Variants in DYRK1A observed in about 807,000 individuals in gnomAD.
DYRK1A encodes dual specificity tyrosine phosphorylation regulated kinase 1A, also known as dual specificity tyrosine-phosphorylation-regulated kinase 1A.
Under a neutral mutation model 79.7 loss-of-function variants are expected in DYRK1A, and 9 were observed. The observed-to-expected ratio is 0.11, with a 90% confidence interval of 0.07 to 0.20. The LOEUF (loss-of-function observed/expected upper bound fraction) is 0.20. Ranked by LOEUF, DYRK1A falls within the 10% of genes least tolerant of loss-of-function variation. The probability of loss-of-function intolerance (pLI) is 1.00; values close to 1 mark genes in which losing one functional copy is unlikely to be tolerated. For missense variants in DYRK1A, 622 were observed against 956.0 expected (o/e 0.65, Z 4.61); for synonymous variants, 349 against 329.7 (o/e 1.06, Z -0.63).
At chr21:37,396,112 C>T (rs1345913485) in intron 1 of DYRK1A, among the ~76,000 whole-genome samples, 1 of 152,118 alleles carries the variant, frequency 6.6e-6, no homozygotes, top group Non-Finnish European at 1.5e-5. Flanking sequence ...CCACAGGTCC[C>T]TGTGCCCTTG....
At chr21:37,417,525 T>TTTTCTTTTTCTTTTTCTTTTTCTTTTTC (rs1569304457) in intron 1 of DYRK1A, among the ~76,000 whole-genome samples, 1 of 67,084 alleles carries the variant, frequency 1.5e-5, no homozygotes, top group Non-Finnish European at 2.9e-5. Context: ...TTCTTTTTCT[T>TTTTCTTTTTCTTTTTCTTTTTCTTTTTC]TTTCTTTTTT....
At chr21:37,386,714 G>T (rs2049768197) in intron 1 of DYRK1A, among the ~76,000 whole-genome samples, 1 of 152,162 alleles carries the variant, frequency 6.6e-6, no homozygotes, top group African/African-American at 2.4e-5. Context: ...CAGGCTCAGG[G>T]GCTAATTGAT....
intron 2 of DYRK1A, among the ~76,000 whole-genome samples, chr21:37,470,174 T>C (rs1226712489): frequency 2.6e-5 from 4 of 151,838 alleles, no homozygotes; most frequent in Admixed American, 2.6e-4. Flanking sequence ...AAATCGGGTT[T>C]TGGAGGTCAG....
rs1204002876 is a variant in DYRK1A, at chr21:37,420,348, G to GGAT, written c.-23_-21dup. ...TTCCCTCCCTTCCCCCACCCCATCA[G>GGAT]GATGATATGAGACTTGAAAGAAGAC... On this transcript the variant is annotated 5_prime_UTR_variant, in exon 2 of 12. In the 5' UTR this introduces an upstream ATG that the reference lacks. Transcript: ENST00000647188. 3.1e-6 allele frequency: 5 copies of GGAT among 1,610,518 alleles called. No individual in the cohort carries two copies. Among genetic ancestry groups the GGAT allele is most frequent in the Non-Finnish European group, 4.2e-6 (5 of 1,177,778 alleles).
rs1313711820 is a variant in DYRK1A at position 37,494,274 on chromosome 21, C to T, written c.1071+1111C>T. Among the ~76,000 whole-genome samples the T allele has an allele frequency of 2.6e-5, 4 of 150,974 alleles. No individual in the cohort carries two copies. In the East Asian group the frequency reaches 7.8e-4, roughly 29 times the overall value. On this transcript the variant is annotated intron_variant, in intron 8 of 11. Transcript: ENST00000647188. The stretch of plus-strand genomic sequence containing the variant: ...GTTTGTTTTTTTTTTTAGTATAAAT[C>T]TTACTGTGTAAATTAGTATCTTTCT...
At chr21:37,399,877 G>A (rs1273901971) in intron 1 of DYRK1A, among the ~76,000 whole-genome samples, 1 of 152,162 alleles carries the variant, frequency 6.6e-6, no homozygotes, top group Non-Finnish European at 1.5e-5. Flanking sequence ...GACATTTGTA[G>A]AATGTATATA....
chr21:37,388,337 G>T (rs1295610689), intron 1 of DYRK1A, among the ~76,000 whole-genome samples: 2 of 151,828 alleles, frequency 1.3e-5, no homozygotes, highest in Non-Finnish European at 2.9e-5. Context: ...ACCCACCTTG[G>T]CTTCTCAAAG....
At chr21:37,468,351 C>G (rs1404055768) in intron 2 of DYRK1A, among the ~76,000 whole-genome samples, 2 of 152,044 alleles carry the variant, frequency 1.3e-5, no homozygotes, top group East Asian at 1.9e-4. Context: ...TCAAGTGATT[C>G]CCGCCTTGGC....
intron 1 of DYRK1A, among the ~76,000 whole-genome samples, chr21:37,412,912 T>C (rs1452024346): frequency 6.6e-6 from 1 of 152,138 alleles, no homozygotes; most frequent in East Asian, 1.9e-4. Flanking sequence ...GAAGAGAGTT[T>C]GAAGTATTAG....
At chr21:37,423,149 C>G (rs1271547432) in intron 2 of DYRK1A, among the ~76,000 whole-genome samples, 1 of 152,084 alleles carries the variant, frequency 6.6e-6, no homozygotes, top group Non-Finnish European at 1.5e-5. Flanking sequence ...CTATTGAATT[C>G]AAGGCATGCA....
At chr21:37,422,273 G>C (rs1347309847) in intron 2 of DYRK1A, among the ~76,000 whole-genome samples, 1 of 152,104 alleles carries the variant, frequency 6.6e-6, no homozygotes, top group Non-Finnish European at 1.5e-5. Flanking sequence ...CTTTCTAATA[G>C]TTTGAAAGTT....
At chr21:37,503,913 T>C (rs1304096086) in intron 9 of DYRK1A, 1 of 152,236 alleles carries the variant, frequency 6.6e-6, no homozygotes, top group Non-Finnish European at 1.5e-5. Flanking sequence ...TGGGTTTTTT[T>C]CTTTCATGTG....
chr21:37,405,225 C>T (rs1409199416), intron 1 of DYRK1A, among the ~76,000 whole-genome samples: 1 of 152,062 alleles, frequency 6.6e-6, no homozygotes, highest in Non-Finnish European at 1.5e-5. Flanking sequence ...GGAATCATGG[C>T]CCAGGCAGAT....
At chr21:37,398,218 C>T (rs1465417328) in intron 1 of DYRK1A, among the ~76,000 whole-genome samples, 1 of 151,118 alleles carries the variant, frequency 6.6e-6, no homozygotes, top group Non-Finnish European at 1.5e-5. Context: ...GTGGCAGGCA[C>T]CTGTAATCCT....
At chr21:37,477,456 T>C (rs1226901312) in intron 3 of DYRK1A, among the ~76,000 whole-genome samples, 1 of 152,120 alleles carries the variant, frequency 6.6e-6, no homozygotes, top group African/African-American at 2.4e-5. Context: ...ACAGCACTCC[T>C]GGGGTGTGTG....
intron 1 of DYRK1A, among the ~76,000 whole-genome samples, chr21:37,368,326 T>C (rs1465230200): frequency 6.6e-6 from 1 of 152,190 alleles, no homozygotes; most frequent in African/African-American, 2.4e-5. Context: ...GCCACAAAAC[T>C]TCACCAGTCT....
chr21:37,494,742 G>A (rs2053207323), intron 8 of DYRK1A, among the ~76,000 whole-genome samples: 2 of 152,130 alleles, frequency 1.3e-5, no homozygotes, highest in African/African-American at 4.8e-5. Flanking sequence ...GAGGTCAGGA[G>A]TTCGAGACTG....
intron 1 of DYRK1A, among the ~76,000 whole-genome samples, chr21:37,404,441 C>A (rs2050112775): frequency 1.3e-5 from 2 of 152,190 alleles, no homozygotes; most frequent in Non-Finnish European, 2.9e-5. Context: ...CAGGTTGTTT[C>A]ACCTGGCCCA....
At chr21:37,382,381 A>G (rs1413353335) in intron 1 of DYRK1A, among the ~76,000 whole-genome samples, 2 of 152,106 alleles carry the variant, frequency 1.3e-5, no homozygotes, top group African/African-American at 4.8e-5. Context: ...AGTTAGTCAG[A>G]ACTCCCTGGA....
Sources: gnomAD v4.1 joint callset for allele counts (sites outside exome capture counted in the v4.1 genomes callset) on GRCh38, gnomAD v4.1.1 for gene constraint, MANE v1.5 for transcripts, NCBI Gene and HGNC (gene_info 2026-07-23, HGNC 2026-07-21) for gene names.